The following RBBP6 variants were observed in gnomAD, a reference collection of about 807,000 sequenced individuals.
RBBP6 encodes RB binding protein 6, ubiquitin ligase.
A neutral mutation model predicts 167.7 loss-of-function variants in RBBP6; 25 were observed. The observed-to-expected ratio is 0.15, with a 90% confidence interval of 0.11 to 0.21. The LOEUF (loss-of-function observed/expected upper bound fraction) is 0.21. Among genes scored for constraint, RBBP6 ranks in the 10% least tolerant of loss-of-function variants. The pLI, the probability that RBBP6 is intolerant of heterozygous loss-of-function variation, is 1.00. For missense variants in RBBP6, 1,868 were observed against 2,134.2 expected (o/e 0.88, Z 2.46); for synonymous variants, 789 against 735.8 (o/e 1.07, Z -1.17).
chr16:24,549,011 C>G (rs904015622), intron 3 of RBBP6, 30 bp downstream of exon 3: 28 of 1,605,464 alleles, frequency 1.7e-5, no homozygotes, highest in Non-Finnish European at 2.3e-5. Flanking sequence ...CACACTTTTT[C>G]TACACATTGC....
intron 14 of RBBP6, among the ~76,000 whole-genome samples, chr16:24,565,783 T>A (rs1479962055): frequency 6.6e-6 from 1 of 152,174 alleles, no homozygotes; most frequent in Non-Finnish European, 1.5e-5. Context: ...AACAAGAGTT[T>A]TGGCCAGGCA....
At chr16:24,541,324 G>A (rs1377514256) in intron 1 of RBBP6, among the ~76,000 whole-genome samples, 8 of 152,118 alleles carry the variant, frequency 5.3e-5, no homozygotes, top group African/African-American at 1.9e-4. Flanking sequence ...GTGGATAAGG[G>A]ATCTGAACTT....
In RBBP6 at chr16:24,540,436, T is replaced by G. The variant is rs1596495860; in HGVS notation, c.-191T>G. On this transcript the variant is annotated 5_prime_UTR_variant, in exon 1 of 18. Transcript: ENST00000319715. ...CTCCCCCATGAAGTGATTCTGAGTA[T>G]CGGGGGGTCTCTGGATTATTGTTCT... 2 of 487,442 alleles carry G rather than the reference T, an allele frequency of 4.1e-6. No homozygotes were observed. The highest frequency in any genetic ancestry group is 6.7e-5 in the East Asian group (2 of 30,068). The allele number at this position is 487,442 out of a possible 1,614,324, so 30.2% of individuals were successfully genotyped here. A position where few individuals can be genotyped will look rare whatever the true frequency, so the allele number is the denominator to read the frequency against.
Position 24,567,306 on chromosome 16 carries a change from C to T in RBBP6, c.1753C>T (p.Pro585Ser), listed in dbSNP as rs775773631. Reference sequence around the variant, plus strand: ...GGGTGTTCCTCCTCCACAGTTTTCTCCTCAGTTTCCTCCTGGCCAGCCACC... The same window carrying T: ...GGGTGTTCCTCCTCCACAGTTTTCTTCTCAGTTTCCTCCTGGCCAGCCACC... ...PPGVPPPQFS[P>S]QFPPGQPPPA... The change falls in exon 15 of 18, where the codon CCT (proline) becomes TCT (serine). Residue 585 changes from proline (P) to serine (S), a missense_variant. Physicochemically the swap from Pro to Ser is moderately conservative, Grantham distance 74. This residue lies in a region of RBBP6 where 145 missense variants were observed against 224.3 expected (regional missense o/e 0.65). Coordinates refer to ENST00000319715, the MANE Select transcript of RBBP6 (RefSeq NM_006910.5). The T allele has an allele frequency of 1.7e-5, 27 of 1,614,066 alleles. No individual in the cohort carries two copies. Among genetic ancestry groups the T allele is most frequent in the Non-Finnish European group, 2.3e-5 (27 of 1,179,970 alleles).
intron 4 of RBBP6, chr16:24,554,123 A>G (rs1399516377): frequency 6.6e-6 from 1 of 152,144 alleles, no homozygotes; most frequent in East Asian, 1.9e-4. Context: ...GTTTGCAGGA[A>G]TATACCAATG....
intron 1 of RBBP6, among the ~76,000 whole-genome samples, chr16:24,544,135 T>C (rs1439579708): frequency 6.6e-6 from 1 of 152,224 alleles, no homozygotes; most frequent in Non-Finnish European, 1.5e-5. Context: ...ATCAAATTAA[T>C]AAGCTGTCTT....
At chr16:24,551,098 A>C (rs1898784798) in intron 3 of RBBP6, among the ~76,000 whole-genome samples, 1 of 151,840 alleles carries the variant, frequency 6.6e-6, no homozygotes, top group African/African-American at 2.4e-5. Context: ...TGATACCCCA[A>C]AGCTGGATGT....
intron 1 of RBBP6, among the ~76,000 whole-genome samples, chr16:24,542,649 G>C (rs1351917317): frequency 6.6e-6 from 1 of 152,094 alleles, no homozygotes; most frequent in South Asian, 2.1e-4. Context: ...TTTTAGTAGA[G>C]ATGGGGTTTT....
Position 24,539,834 on chromosome 16 carries a change from C to A in RBBP6, c.-793C>A, listed in dbSNP as rs1202254926. ...GCGGTGTCCCCGGGGTCCGCCGAAG[C>A]CACCCGGCCGCCGGCTGGGGCCCGG... On this transcript the variant is annotated 5_prime_UTR_variant, in exon 1 of 18. Coordinates refer to ENST00000319715, the MANE Select transcript of RBBP6 (RefSeq NM_006910.5). 2.0e-5 allele frequency: 3 copies of A among 152,266 alleles called. No individual in the cohort carries two copies. The highest frequency in any genetic ancestry group is 4.8e-5 in the African/African-American group (2 of 41,462). The allele number at this position is 152,266 out of a possible 1,614,324, so 9.4% of individuals were successfully genotyped here.
In RBBP6 at chr16:24,556,472, C is replaced by G. The variant is rs191475080; in HGVS notation, c.674+25C>G. On this transcript the variant is annotated intron_variant, in intron 7 of 17. Transcript: ENST00000319715. Reference sequence around the variant, plus strand: ...CGTAAGTATGCAAATTAGGTATGACCTGTGGAGACTCCAGTCAGTCCCAGG... The same window carrying G: ...CGTAAGTATGCAAATTAGGTATGACGTGTGGAGACTCCAGTCAGTCCCAGG... 52 of 1,600,354 alleles carry G rather than the reference C, an allele frequency of 3.2e-5. No individual in the cohort carries two copies. In the East Asian group the frequency reaches 1.1e-3, roughly 32 times the overall value.
At chr16:24,551,337 A>G (rs376262687) in intron 3 of RBBP6, among the ~76,000 whole-genome samples, 36 of 151,746 alleles carry the variant, frequency 2.4e-4, no homozygotes, top group African/African-American at 8.5e-4. Context: ...AAGAGTCACT[A>G]TTTTTATTGA....
Position 24,571,118 on chromosome 16 carries a change from A to C in RBBP6, c.4052A>C (p.Asn1351Thr). The change falls in exon 18 of 18, where the codon AAT becomes ACT. Residue 1351 changes from asparagine (N) to threonine (T), a missense_variant. Around this residue, in one of 7 missense-constraint regions of RBBP6, gnomAD observed 591 missense variants for 540.5 expected, o/e 1.09. Transcript: ENST00000319715. ...GGAAAACCTGCTAGTGTTATAAAAA[A>C]TGTTAGTACAAAGCCATCAAATATA... ...SVGKPASVIK[N>T]VSTKPSNIVK... 6.2e-7 allele frequency: 1 copy of C among 1,613,088 alleles called. No individual in the cohort carries two copies. Among genetic ancestry groups the C allele is most frequent in the South Asian group, 1.1e-5 (1 of 90,886 alleles).
In RBBP6 at chr16:24,570,291, T is replaced by G. The variant is rs777538256; in HGVS notation, c.3601T>G (p.Ser1201Ala). ...MDRTPEKDKI[S>A]LSAPAKKIKL... ...TAGGACCCCTGAAAAGGACAAAATT[T>G]CTTTAAGTGCGCCAGCCAAAAAAAT... is the stretch of plus-strand genomic sequence containing the variant. Residue 1201 changes from serine to alanine, a missense_variant, in exon 17 of 18, where the codon TCT (serine) becomes GCT (alanine). This residue lies in a region of RBBP6 where 673 missense variants were observed against 691.5 expected (regional missense o/e 0.97). Transcript: ENST00000319715. 1 of 1,609,936 alleles carries G rather than the reference T, an allele frequency of 6.2e-7. No homozygotes were observed. The highest frequency in any genetic ancestry group is 1.7e-5 in the Admixed American group (1 of 59,122).
In RBBP6 at chr16:24,571,843, C is replaced by T. The variant is rs1485534543; in HGVS notation, c.4777C>T (p.Pro1593Ser). ...CAATAAACTACTTTATATACTTAAC[C>T]CACCAGAGACACAGGTTGAAAAAGA... is the stretch of plus-strand genomic sequence containing the variant. ...SGNKLLYILN[P>S]PETQVEKEQI... The change falls in exon 18 of 18, where the codon CCA (proline) becomes TCA (serine). Residue 1593 changes from proline to serine, a missense_variant. By Grantham distance (74) the Pro-to-Ser change is moderately conservative (BLOSUM62 -1). Transcript: ENST00000319715. 2.5e-6 allele frequency: 4 copies of T among 1,613,956 alleles called. No individual in the cohort carries two copies. In the South Asian group the frequency reaches 4.4e-5, roughly 18 times the overall value.
intron 1 of RBBP6, among the ~76,000 whole-genome samples, chr16:24,541,590 A>G (rs1042640919): frequency 2.0e-5 from 3 of 152,238 alleles, no homozygotes; most frequent in South Asian, 2.1e-4. Context: ...GGCTGCTACC[A>G]TAGAGTACAA....
intron 10 of RBBP6, among the ~76,000 whole-genome samples, chr16:24,562,533 G>A (rs1337765813): frequency 6.6e-6 from 1 of 152,148 alleles, no homozygotes; most frequent in African/African-American, 2.4e-5. Flanking sequence ...GATAGGTAGA[G>A]AAGAGGGGGT....
In RBBP6 at chr16:24,571,008, T is replaced by G. The variant is rs1294347585; in HGVS notation, c.3942T>G (p.Ile1314Met). 1 of 1,612,916 alleles carries G rather than the reference T, an allele frequency of 6.2e-7. No individual in the cohort carries two copies. The highest frequency in any genetic ancestry group is 8.5e-7 in the Non-Finnish European group (1 of 1,178,920). Residue 1314 changes from isoleucine to methionine, a missense_variant, in exon 18 of 18, where the codon ATT becomes ATG. Physicochemically the swap from Ile to Met is conservative, Grantham distance 10 (BLOSUM62 1). Around this residue, in one of 7 missense-constraint regions of RBBP6, gnomAD observed 19 missense variants for 40.5 expected, o/e 0.47. Transcript: ENST00000319715. ...CAGCTGAAGATGTTATCATTATGAT[T>G]CAGGTTCCTCAATCCAAATGGGATA... The part of the protein sequence containing the change: ...TAPAEDVIIM[I>M]QVPQSKWDKD...
At chr16:24,566,306 C>T (rs1899193375) in intron 14 of RBBP6, among the ~76,000 whole-genome samples, 1 of 152,156 alleles carries the variant, frequency 6.6e-6, no homozygotes, top group Non-Finnish European at 1.5e-5. Context: ...AGAAACTTAG[C>T]CAACACTGTT....
At chr16:24,545,694 A>G (rs1381479006) in intron 1 of RBBP6, among the ~76,000 whole-genome samples, 1 of 152,128 alleles carries the variant, frequency 6.6e-6, no homozygotes, top group Non-Finnish European at 1.5e-5. Flanking sequence ...TCCACTATTC[A>G]TTCCTTATTA....
Sources: allele counts gnomAD v4.1 joint callset (sites outside exome capture counted in the v4.1 genomes callset), GRCh38; gene constraint gnomAD v4.1.1; regional missense constraint gnomAD v4.1.1; transcripts MANE v1.5; gene names NCBI Gene and HGNC (gene_info 2026-07-23, HGNC 2026-07-21).